UGT1A7: variants seen among roughly 807,000 people sequenced by gnomAD.
The protein encoded by UGT1A7 is UDP glucuronosyltransferase family 1 member A7.
A neutral mutation model predicts 45.6 loss-of-function variants in UGT1A7; 33 were observed. The observed-to-expected ratio is 0.72, with a 90% CI of 0.55 to 0.97. The LOEUF (loss-of-function observed/expected upper bound fraction) is 0.97. Among genes scored for constraint, UGT1A7 ranks in the 50% least tolerant of loss-of-function variants. UGT1A7 has a pLI of 0.00. For missense variants in UGT1A7, 684 were observed against 666.2 expected (o/e 1.03, Z -0.29); for synonymous variants, 274 against 250.6 (o/e 1.09, Z -0.88).
chr2:233,766,851 A>G (rs1202142571), intron 1 of UGT1A7, among the ~76,000 whole-genome samples, 183 bp from the exon 2 acceptor site: 1 of 152,234 alleles, frequency 6.6e-6, no homozygotes, highest in Non-Finnish European at 1.5e-5. Flanking sequence ...TTCCTCCTTT[A>G]GAAGGAAGTA....
intron 1 of UGT1A7, among the ~76,000 whole-genome samples, chr2:233,759,710 G>C (rs746376626): frequency 6.6e-6 from 1 of 151,530 alleles, no homozygotes; most frequent in African/African-American, 2.4e-5. Context: ...GCGCGTGCTC[G>C]TGTGGTGGGC....
At chr2:233,718,697 C>G in intron 1 of UGT1A7, 1 of 1,595,942 alleles carries the variant, frequency 6.3e-7, no homozygotes, top group Non-Finnish European at 8.5e-7. Flanking sequence ...GAGGAGGGCA[C>G]TTTGTCTTCC....
Position 233,772,737 on chromosome 2 carries a change from G to A in UGT1A7, c.*178G>A. ...ATAAAAATAATAGACTCGCTAGTCA[G>A]TAAAGATATTTGAATATGTATCGTG... On this transcript the variant is annotated 3_prime_UTR_variant, in exon 5 of 5. Transcript: ENST00000373426. The A allele has an allele frequency of 7.0e-7, 1 of 1,436,900 alleles. No individual in the cohort carries two copies. Among genetic ancestry groups the A allele is most frequent in the Non-Finnish European group, 9.1e-7 (1 of 1,096,214 alleles). 89.0% of individuals were successfully genotyped at this position (1,436,900 alleles called of 1,614,324 possible). A position where few individuals can be genotyped will look rare whatever the true frequency, so the allele number is the denominator to read the frequency against.
intron 1 of UGT1A7, among the ~76,000 whole-genome samples, chr2:233,763,075 G>T (rs563223055): frequency 6.6e-6 from 1 of 152,130 alleles, no homozygotes; most frequent in Non-Finnish European, 1.5e-5. Flanking sequence ...CCTTCTTTGC[G>T]TGAGGATGTT....
chr2:233,728,813 A>G (rs1159466657), intron 1 of UGT1A7, among the ~76,000 whole-genome samples: 11 of 152,216 alleles, frequency 7.2e-5, no homozygotes. Flanking sequence ...AGACAGTGAC[A>G]TGAAATGGGT....
chr2:233,708,741 AC>A (rs1376464214), intron 1 of UGT1A7: 6 of 151,844 alleles, frequency 4.0e-5, no homozygotes, highest in African/African-American at 1.2e-4. Flanking sequence ...ACAGAGCAAG[AC>A]CCTGACCAAC....
intron 1 of UGT1A7, chr2:233,729,360 A>G (rs17868336): frequency 0.038 from 60,794 of 1,614,118 alleles, 1,450 homozygotes; most frequent in Non-Finnish European, 0.047. Flanking sequence ...TCACCCTGAC[A>G]ACCTATGCCA....
rs34650714 is a variant in UGT1A7 at position 233,767,183 on chromosome 2, C to T, written c.987+18C>T. The T allele has an allele frequency of 6.4e-3, 10,393 of 1,613,868 alleles. 514 individuals carry two copies. The African/African-American group carries it at 0.12, about 18-fold the overall frequency. On this transcript the variant is annotated intron_variant, in intron 2 of 4. Transcript: ENST00000373426. The stretch of plus-strand genomic sequence containing the variant: ...CTCAGACAGTAAGAAGATTCTATAC[C>T]ATGGCCTCATATCTATTTTCACAGG...
intron 1 of UGT1A7, among the ~76,000 whole-genome samples, chr2:233,714,871 A>G (rs920771316): frequency 1.6e-4 from 24 of 148,302 alleles, no homozygotes; most frequent in African/African-American, 4.5e-4. Flanking sequence ...CTAAAATTCT[A>G]TCTTTTAAAT....
chr2:233,682,545 T>C lies in UGT1A7; in HGVS notation c.608T>C (p.Phe203Ser). ...LLLGFSDAMT[F>S]KERVWNHIMH... ...TTAGGGTTCTCAGACGCCATGACTT[T>C]CAAGGAGAGAGTATGGAACCACATC... Residue 203 changes from phenylalanine to serine, a missense_variant, in exon 1 of 5, where the codon TTC becomes TCC. By Grantham distance (155) the Phe-to-Ser change is radical (BLOSUM62 -2). Coordinates refer to ENST00000373426, the MANE Select transcript of UGT1A7 (RefSeq NM_019077.3). 1 of 1,613,930 alleles carries C rather than the reference T, an allele frequency of 6.2e-7. No individual in the cohort carries two copies.
intron 1 of UGT1A7, chr2:233,743,979 A>C (rs1692622611): frequency 3.1e-6 from 4 of 1,306,002 alleles, no homozygotes; most frequent in African/African-American, 1.5e-5. Flanking sequence ...GCCAGCACCC[A>C]GGCGCAGGCC....
intron 1 of UGT1A7, among the ~76,000 whole-genome samples, chr2:233,734,844 A>G (rs1575606786): frequency 6.6e-6 from 1 of 152,286 alleles, no homozygotes; most frequent in Middle Eastern, 3.4e-3. Flanking sequence ...TTCTTAATCC[A>G]GAGTTCTAAT....
intron 1 of UGT1A7, chr2:233,747,072 T>G: frequency 9.8e-7 from 1 of 1,024,480 alleles, no homozygotes; most frequent in South Asian, 1.7e-5. Flanking sequence ...TCGGTAATAA[T>G]TAACTAGGAG....
At chr2:233,710,883 A>G (rs916106723) in intron 1 of UGT1A7, among the ~76,000 whole-genome samples, 10 of 152,160 alleles carry the variant, frequency 6.6e-5, no homozygotes, top group African/African-American at 2.4e-4. Context: ...AAACAGTTTA[A>G]GTTTGTAGGT....
intron 1 of UGT1A7, among the ~76,000 whole-genome samples, chr2:233,724,618 G>C (rs1325870277): frequency 7.3e-6 from 1 of 137,158 alleles, no homozygotes; most frequent in Non-Finnish European, 1.6e-5. Context: ...GGGCAGAGAC[G>C]CTCCTCACTT....
At chr2:233,757,560 A>ATG (rs199649558) in intron 1 of UGT1A7, among the ~76,000 whole-genome samples, 16 of 123,134 alleles carry the variant, frequency 1.3e-4, no homozygotes, top group African/African-American at 3.4e-4. Context: ...ATATATATAT[A>ATG]TGTATATATG....
In UGT1A7 at chr2:233,767,858, C is replaced by T. The variant is rs139607673; in HGVS notation, c.997C>T (p.Arg333Trp). 6.2e-6 allele frequency: 10 copies of T among 1,614,002 alleles called. No homozygotes were observed. Among genetic ancestry groups the T allele is most frequent in the Admixed American group, 3.3e-5 (2 of 59,992 alleles). ...TTTTTGCCCCTCCCAGGTCCTGTGG[C>T]GGTACACTGGAACCCGACCATCGAA... ...LGKIPQTVLWRYTGTRPSNLA... is the reference protein window; with the variant it reads ...LGKIPQTVLWWYTGTRPSNLA... The change falls in exon 3 of 5, where the codon CGG (arginine) becomes TGG (tryptophan). Residue 333 changes from arginine to tryptophan, a missense_variant. Transcript: ENST00000373426.
intron 1 of UGT1A7, among the ~76,000 whole-genome samples, chr2:233,730,211 C>G (rs186476397): frequency 6.6e-6 from 1 of 152,112 alleles, no homozygotes; most frequent in East Asian, 1.9e-4. Flanking sequence ...GAAGTAGACA[C>G]GAATGTTTGT....
At chr2:233,727,451 G>A (rs2077618164) in intron 1 of UGT1A7, among the ~76,000 whole-genome samples, 1 of 152,150 alleles carries the variant, frequency 6.6e-6, no homozygotes, top group African/African-American at 2.4e-5. Flanking sequence ...GAAATCAGAT[G>A]ACTTCACTGT....
Sources: gnomAD v4.1 joint callset for allele counts (sites outside exome capture counted in the v4.1 genomes callset) on GRCh38, gnomAD v4.1.1 for gene constraint, MANE v1.5 for transcripts, NCBI Gene and HGNC (gene_info 2026-07-23, HGNC 2026-07-21) for gene names.